The following SMC1B variants were observed in gnomAD, a reference collection of about 807,000 sequenced individuals.
SMC1B encodes the protein structural maintenance of chromosomes 1B, also known as structural maintenance of chromosomes protein 1B.
A neutral mutation model predicts 157.9 loss-of-function variants in SMC1B; 60 were observed. That is an observed-to-expected ratio of 0.38 (90% CI 0.31 to 0.47). The LOEUF (loss-of-function observed/expected upper bound fraction) is 0.47. Among genes scored for constraint, SMC1B ranks in the 20% least tolerant of loss-of-function variants. The probability of loss-of-function intolerance (pLI) is 0.99; values close to 1 mark genes in which losing one functional copy is unlikely to be tolerated. For missense variants in SMC1B, 1,165 were observed against 1,426.2 expected (o/e 0.82, Z 2.95); for synonymous variants, 445 against 483.0 (o/e 0.92, Z 1.03).
intron 19 of SMC1B, 36 bp from the exon 20 acceptor site, chr22:45,355,151 C>T (rs2086657495): frequency 1.9e-6 from 3 of 1,611,670 alleles, no homozygotes; most frequent in South Asian, 2.2e-5. Flanking sequence ...ACTGGCATGG[C>T]ATGTCTTTTA....
At chr22:45,348,427 CAAAT>C (rs898380281) in intron 23 of SMC1B, among the ~76,000 whole-genome samples, 15 of 152,180 alleles carry the variant, frequency 9.9e-5, no homozygotes, top group Admixed American at 2.0e-4. Flanking sequence ...AACCTGGTCT[CAAAT>C]AAATAAATAG....
intron 15 of SMC1B, among the ~76,000 whole-genome samples, chr22:45,367,009 T>C (rs993041908): frequency 2.0e-5 from 3 of 152,180 alleles, no homozygotes; most frequent in African/African-American, 7.2e-5. Flanking sequence ...CTCCGATAAA[T>C]TTCTGAGTTG....
At position 45,372,219 on chromosome 22, in the gene SMC1B, C is replaced by T. The variant is rs764060491; in HGVS notation, c.2132G>A (p.Arg711Gln). ...IQTLIQGTQT[R>Q]LKYSQNELEM... Reference sequence around the variant, plus strand: ...TAGTTCATTTTGTGAATATTTGAGTCGTGTTTGAGTTCCCTGTATCAGGGT... The same window carrying T: ...TAGTTCATTTTGTGAATATTTGAGTTGTGTTTGAGTTCCCTGTATCAGGGT... The change falls in exon 13 of 25, where the codon CGA becomes CAA. Residue 711 changes from arginine to glutamine, a missense_variant. Transcript: ENST00000357450. The T allele has an allele frequency of 1.2e-5, 19 of 1,612,174 alleles. No homozygotes were observed. The Middle Eastern group carries it at 1.5e-3, about 127-fold the overall frequency.
At chr22:45,368,156 T>C (rs762578676) in intron 15 of SMC1B, among the ~76,000 whole-genome samples, 2 of 152,230 alleles carry the variant, frequency 1.3e-5, no homozygotes, top group Non-Finnish European at 2.9e-5. Flanking sequence ...TTTCATATCA[T>C]AGGTATCTTA....
chr22:45,372,388 T>C (rs776635936), intron 12 of SMC1B, 96 bp from the exon 13 acceptor site: 13 of 1,037,966 alleles, frequency 1.3e-5, no homozygotes, highest in Non-Finnish European at 1.8e-5. Context: ...GATTTTTACA[T>C]ACCACCACAC....
chr22:45,370,677 T>TA, intron 14 of SMC1B, among the ~76,000 whole-genome samples: 1 of 152,092 alleles, frequency 6.6e-6, no homozygotes, highest in Admixed American at 6.5e-5. Flanking sequence ...TTAGCATGAC[T>TA]AGATAATCCA....
intron 21 of SMC1B, among the ~76,000 whole-genome samples, chr22:45,353,300 AAG>A (rs1318901694): frequency 6.6e-6 from 1 of 151,742 alleles, no homozygotes. Flanking sequence ...GAAAAAAAAA[AAG>A]GGTTAATGGG....
At chr22:45,370,136 C>A (rs539533773) in intron 14 of SMC1B, 76 bp from the exon 15 acceptor site, 8 of 841,906 alleles carry the variant, frequency 9.5e-6, no homozygotes, top group Non-Finnish European at 1.4e-5. Context: ...GTTTTTCCCT[C>A]CAAGATTTTC....
intron 11 of SMC1B, among the ~76,000 whole-genome samples, chr22:45,384,527 C>T (rs1481654701): frequency 6.6e-6 from 1 of 151,996 alleles, no homozygotes; most frequent in East Asian, 1.9e-4. Context: ...TGAGACGAGC[C>T]TGGCCAACAT....
chr22:45,392,480 GT>G (rs1471529179), intron 9 of SMC1B, among the ~76,000 whole-genome samples: 4 of 84,534 alleles, frequency 4.7e-5, no homozygotes, highest in East Asian at 4.1e-4. Context: ...TTTTTAACTA[GT>G]TGTGTGTGTG....
chr22:45,408,876 T>G lies in SMC1B; in HGVS notation c.132A>C (p.Ala44=). 6.5e-7 allele frequency: 1 copy of G among 1,534,842 alleles called. No individual in the cohort carries two copies. Among genetic ancestry groups the G allele is most frequent in the Non-Finnish European group, 8.7e-7 (1 of 1,145,682 alleles). Residue 44 remains alanine, a synonymous_variant, in exon 2 of 25, where the codon GCA becomes GCC. Transcript: ENST00000357450. ...NGSGKSNVMD[A]LSFVMGEKIA... ...TTTTCTCTCCCATTACAAAACTAAG[T>G]GCATCCATTACATTAGATTTTCCTG...
At chr22:45,409,613 A>AAAT (rs1569202578) in intron 1 of SMC1B, among the ~76,000 whole-genome samples, 8 of 133,810 alleles carry the variant, frequency 6.0e-5, no homozygotes, top group Admixed American at 4.2e-4. Context: ...AATAAATAAA[A>AAAT]ACAAGAGAAG....
chr22:45,368,521 T>G (rs888591429), intron 15 of SMC1B, among the ~76,000 whole-genome samples: 11 of 151,896 alleles, frequency 7.2e-5, no homozygotes, highest in African/African-American at 2.4e-4. Flanking sequence ...GAAATAGTTT[T>G]TTTTTTTTTT....
intron 19 of SMC1B, among the ~76,000 whole-genome samples, chr22:45,358,417 T>C (rs377125928): frequency 6.6e-6 from 1 of 152,170 alleles, no homozygotes; most frequent in South Asian, 2.1e-4. Flanking sequence ...CTTTGTGGGA[T>C]CTGATGCTAA....
intron 19 of SMC1B, 69 bp from the exon 20 acceptor site, chr22:45,355,184 G>A (rs2086657856): frequency 6.6e-7 from 1 of 1,522,694 alleles, no homozygotes. Flanking sequence ...TAGGGTGCGT[G>A]TGTGGGGCAC....
At chr22:45,372,325 T>C in intron 12 of SMC1B, 33 bp from the exon 13 acceptor site, 1 of 1,552,620 alleles carries the variant, frequency 6.4e-7, no homozygotes, top group Middle Eastern at 2.0e-4. Flanking sequence ...GAATATTTTA[T>C]GATAGAAAAG....
intron 21 of SMC1B, among the ~76,000 whole-genome samples, chr22:45,353,261 C>CAAAAAAAA (rs11311805): frequency 9.7e-6 from 1 of 102,592 alleles, no homozygotes. Flanking sequence ...AACTCTGTCT[C>CAAAAAAAA]AAAAAAAAAA....
At chr22:45,357,867 G>T (rs139191549) in intron 19 of SMC1B, among the ~76,000 whole-genome samples, 2 of 152,112 alleles carry the variant, frequency 1.3e-5, no homozygotes, top group African/African-American at 4.8e-5. Flanking sequence ...ATAAGCCCCC[G>T]TCAATCATAC....
chr22:45,367,381 G>A (rs1365429014), intron 15 of SMC1B, among the ~76,000 whole-genome samples: 5 of 152,182 alleles, frequency 3.3e-5, no homozygotes, highest in Non-Finnish European at 2.9e-5. Context: ...AAACTTTGGA[G>A]CGTTGCCTAT....
Sources: gnomAD v4.1 joint callset for allele counts (sites outside exome capture counted in the v4.1 genomes callset) on GRCh38, gnomAD v4.1.1 for gene constraint, MANE v1.5 for transcripts, NCBI Gene and HGNC (gene_info 2026-07-23, HGNC 2026-07-21) for gene names.